Variants in HEATR4 observed in about 807,000 individuals in gnomAD.
HEATR4 encodes HEAT repeat-containing protein 4.
Under a neutral mutation model 108.8 loss-of-function variants are expected in HEATR4, and 95 were observed. That is an observed-to-expected ratio of 0.87 (90% confidence interval 0.74 to 1.04). The LOEUF is 1.04. Among genes scored for constraint, HEATR4 ranks in the 50% least tolerant of loss-of-function variants. HEATR4 has a pLI of 0.00. For synonymous variants in HEATR4, 443 were observed against 459.4 expected, an observed-to-expected ratio of 0.96 and a Z score of 0.46; for missense variants, 1,152 against 1,253.8, an observed-to-expected ratio of 0.92 and a Z score of 1.23.
At chr14:73,619,214 C>T in the HEATR4 span, 10 of 1,530,738 alleles carry the variant, frequency 6.5e-6, no homozygotes, top group South Asian at 1.3e-5. Context: ...GCTTGTTTTC[C>T]TTCTCTTTTT....
the HEATR4 span, among the ~76,000 whole-genome samples, chr14:73,576,142 C>T: frequency 6.6e-6 from 1 of 151,836 alleles, no homozygotes; most frequent in African/African-American, 2.4e-5. Flanking sequence ...ACCCTCCAGC[C>T]TGGGCAACAG....
upstream of HEATR4, among the ~76,000 whole-genome samples, chr14:73,561,643 C>T (rs1052201190): frequency 6.6e-6 from 1 of 151,562 alleles, no homozygotes; most frequent in Non-Finnish European, 1.5e-5. Context: ...AAGATTGCAC[C>T]ACTCCACCCC....
chr14:73,614,032 A>C, the HEATR4 span, among the ~76,000 whole-genome samples: 3 of 36,090 alleles, frequency 8.3e-5, no homozygotes, highest in East Asian at 7.5e-3. Flanking sequence ...TCTACAAAAA[A>C]AAAAAAAAAA....
At chr14:73,578,556 G>A in the HEATR4 span, among the ~76,000 whole-genome samples, 1 of 152,182 alleles carries the variant, frequency 6.6e-6, no homozygotes, top group Admixed American at 6.6e-5. Flanking sequence ...TTATTTGACA[G>A]GCATTTTTCT....
At chr14:73,506,802 C>CTATTTTTTTTTTTTTTTT (rs1470976246) in intron 9 of HEATR4, among the ~76,000 whole-genome samples, 1 of 58,056 alleles carries the variant, frequency 1.7e-5, no homozygotes, top group Non-Finnish European at 2.9e-5. Context: ...CTGACTTTAA[C>CTATTTTTTTTTTTTTTTT]TGTTTTTTTT....
chr14:73,512,124 T>C lies in HEATR4; in HGVS notation c.1440A>G (p.Val480=). The stretch of plus-strand genomic sequence containing the variant: ...CTCCCAAGCTCTGAAGCAGGTTCTC[T>C]ACTGTCTCATGGTGCCACTCTATGA... ...ALIIEWHHET[V]ENLLQSLGDL... is the part of the protein sequence containing the mutation. The change falls in exon 7 of 18, where the codon GTA becomes GTG. Residue 480 remains valine, a synonymous_variant. Coordinates refer to ENST00000553558, the MANE Select transcript of HEATR4 (RefSeq NM_001220484.1). 1 of 1,614,168 alleles carries C rather than the reference T, an allele frequency of 6.2e-7. No individual in the cohort carries two copies. Among genetic ancestry groups the C allele is most frequent in the Non-Finnish European group, 8.5e-7 (1 of 1,180,030 alleles).
At chr14:73,546,922 ACT>A (rs1889241223) in intron 1 of HEATR4, among the ~76,000 whole-genome samples, 1 of 101,132 alleles carries the variant, frequency 9.9e-6, no homozygotes, top group Non-Finnish European at 2.2e-5. Flanking sequence ...CCCTGTCTCT[ACT>A]AAAAATACAA....
chr14:73,490,975 C>CG (rs752469452), intron 17 of HEATR4: 568 of 1,317,132 alleles, frequency 4.3e-4, no homozygotes, highest in Middle Eastern at 5.6e-4. Context: ...GCTTTAGCTT[C>CG]GCCCCCGGCC....
intron 2 of HEATR4, among the ~76,000 whole-genome samples, chr14:73,526,879 G>C (rs535611952): frequency 5.5e-4 from 83 of 152,204 alleles, no homozygotes; most frequent in Middle Eastern, 6.8e-3. Context: ...ACTGCCATCT[G>C]TGGTGGCCAT....
chr14:73,555,158 T>A (rs1889376668), intron 1 of HEATR4, among the ~76,000 whole-genome samples: 1 of 112,560 alleles, frequency 8.9e-6, no homozygotes, highest in African/African-American at 2.9e-5. Context: ...TATAAGAAGG[T>A]CATAAAACAC....
At chr14:73,576,253 CCTT>C in the HEATR4 span, among the ~76,000 whole-genome samples, 38 of 151,868 alleles carry the variant, frequency 2.5e-4, no homozygotes, top group Non-Finnish European at 5.6e-4. Flanking sequence ...TTGAGTTCCT[CCTT>C]TAAGAATGGA....
chr14:73,523,233 G>A lies in HEATR4; in HGVS notation c.-72-9C>T, dbSNP rs1013239692. Reference sequence around the variant, plus strand: ...GAGATGAGACCTGGCACCTGTTAAGGGAATGGGAGGAACTGATGAGAACTC... The same window carrying A: ...GAGATGAGACCTGGCACCTGTTAAGAGAATGGGAGGAACTGATGAGAACTC... On this transcript the variant is annotated splice_polypyrimidine_tract_variant and intron_variant, in intron 2 of 17. Transcript: ENST00000553558. 3.7e-6 allele frequency: 5 copies of A among 1,356,620 alleles called. No individual in the cohort carries two copies. The highest frequency in any genetic ancestry group is 1.5e-5 in the African/African-American group (1 of 68,876). The allele number at this position is 1,356,620 out of a possible 1,614,324, so 84.0% of individuals were successfully genotyped here.
chr14:73,569,571 C>A, the HEATR4 span: 1 of 1,600,200 alleles, frequency 6.2e-7, no homozygotes, highest in Non-Finnish European at 8.5e-7. Flanking sequence ...TTTCCAGGCC[C>A]ACGCGCGCTA....
intron 17 of HEATR4, among the ~76,000 whole-genome samples, chr14:73,483,408 T>C (rs1885328121): frequency 6.6e-6 from 1 of 152,200 alleles, no homozygotes; most frequent in Non-Finnish European, 1.5e-5. Flanking sequence ...AGCTAGTACC[T>C]ATTCACAGGC....
the HEATR4 span, among the ~76,000 whole-genome samples, chr14:73,579,281 A>C: frequency 2.0e-5 from 3 of 147,050 alleles, no homozygotes; most frequent in African/African-American, 4.9e-5. Context: ...AAAAAAAAAA[A>C]AAAAAAAAAA....
intron 4 of HEATR4, 188 bp downstream of exon 4, chr14:73,520,664 C>T (rs1161821423): frequency 1.8e-6 from 1 of 551,646 alleles, no homozygotes; most frequent in Non-Finnish European, 3.2e-6. Context: ...AGAGCAGTTC[C>T]CTCCCTATTA....
In HEATR4 at chr14:73,492,999, C is replaced by CTTTTTTTTTTTTTT; in HGVS notation, c.2844+53_2844+66dup. 1 of 1,460,246 alleles carries CTTTTTTTTTTTTTT rather than the reference C, an allele frequency of 6.8e-7. No homozygotes were observed. Among genetic ancestry groups the CTTTTTTTTTTTTTT allele is most frequent in the Non-Finnish European group, 9.1e-7 (1 of 1,093,628 alleles). 90.5% of individuals were successfully genotyped at this position (1,460,246 alleles called of 1,614,324 possible). A position where few individuals can be genotyped will look rare whatever the true frequency, so the allele number is the denominator to read the frequency against. ...AGTGATTCTCCGCTGCCACTGCTAC[C>CTTTTTTTTTTTTTT]TTTTTTTTTTTTTTTTCCTTAAACT... On this transcript the variant is annotated intron_variant, in intron 17 of 17. Transcript: ENST00000553558. The surrounding 1 kb of genome is among the most constrained non-coding windows in gnomAD (Gnocchi z 4.9).
In HEATR4 at chr14:73,506,459, A is replaced by G; in HGVS notation, c.1986+8T>C. 1.2e-6 allele frequency: 2 copies of G among 1,607,718 alleles called. No individual in the cohort carries two copies. Among genetic ancestry groups the G allele is most frequent in the Non-Finnish European group, 1.7e-6 (2 of 1,174,978 alleles). On this transcript the variant is annotated splice_region_variant and intron_variant, in intron 10 of 17. Coordinates refer to ENST00000553558, the MANE Select transcript of HEATR4 (RefSeq NM_001220484.1). ...CTTTCTGTCCTGGAGGCAAAGAAAG[A>G]GGTTTACCAAGCAGACATTTCCACT...
the HEATR4 span, chr14:73,574,415 C>A: frequency 4.2e-6 from 1 of 235,294 alleles, no homozygotes; most frequent in Non-Finnish European, 8.4e-6. Flanking sequence ...CAGGCACGTG[C>A]CACTACTGCC....
Sources: gnomAD v4.1 joint callset for allele counts (sites outside exome capture counted in the v4.1 genomes callset) on GRCh38, gnomAD v4.1.1 for gene constraint, Gnocchi (gnomAD v3.1) non-coding constraint, MANE v1.5 for transcripts, NCBI Gene and HGNC (gene_info 2026-07-23, HGNC 2026-07-21) for gene names.